Variants in DMD observed in about 807,000 individuals in gnomAD.
DMD encodes the protein dystrophin, also known as mutant dystrophin.
A neutral mutation model predicts 330.1 loss-of-function variants in DMD; 63 were observed. That is an observed-to-expected ratio of 0.19 (90% confidence interval 0.16 to 0.24). The LOEUF (loss-of-function observed/expected upper bound fraction) is 0.24, where lower values mean the gene tolerates loss of function less well. Ranked by LOEUF, DMD falls within the 10% of genes least tolerant of loss-of-function variation. DMD has a pLI of 1.00. For synonymous variants in DMD, 1,223 were observed against 959.8 expected (o/e 1.27, Z -5.07); for missense variants, 3,344 against 2,684.1 (o/e 1.25, Z -5.43).
chrX:31,923,159 A>C (rs985724436), intron 47 of DMD, among the ~76,000 whole-genome samples: 8 of 112,014 alleles, frequency 7.1e-5, no homozygotes, highest in Non-Finnish European at 1.5e-4. Flanking sequence ...GCAAATTGAG[A>C]TGTACTCATG....
At chrX:31,140,201 CTGA>C (rs2035865095) in intron 76 of DMD, among the ~76,000 whole-genome samples, 1 of 112,826 alleles carries the variant, frequency 8.9e-6, no homozygotes, top group East Asian at 2.8e-4. Context: ...GATTCAAACG[CTGA>C]TAATGGTTCT....
chrX:32,733,504 T>A (rs954573773), intron 7 of DMD, among the ~76,000 whole-genome samples: 1 of 110,946 alleles, frequency 9.0e-6, no homozygotes, highest in African/African-American at 3.3e-5. Flanking sequence ...ACTGACCACA[T>A]ACTTGGAAGT....
intron 54 of DMD, among the ~76,000 whole-genome samples, chrX:31,628,941 T>TATATATATATA (rs1319231616): frequency 9.8e-6 from 1 of 102,211 alleles, no homozygotes; most frequent in African/African-American, 3.5e-5. Context: ...TATATATATA[T>TATATATATATA]AAAATGCATG....
At chrX:31,270,779 G>C (rs2051566748) in intron 62 of DMD, among the ~76,000 whole-genome samples, 2 of 111,739 alleles carry the variant, frequency 1.8e-5, no homozygotes, top group African/African-American at 6.5e-5. Flanking sequence ...AATGGTATGG[G>C]GGCTTGATCA....
At chrX:32,586,358 A>G (rs1401473085) in intron 13 of DMD, among the ~76,000 whole-genome samples, 1 of 109,017 alleles carries the variant, frequency 9.2e-6, no homozygotes, top group African/African-American at 3.3e-5. Context: ...ACATATATAA[A>G]CCATTCTCTT....
intron 1 of DMD, among the ~76,000 whole-genome samples, chrX:33,062,599 C>A (rs899084828): frequency 8.0e-5 from 9 of 112,114 alleles, no homozygotes; most frequent in African/African-American, 1.9e-4. Flanking sequence ...GCCTCAGCCT[C>A]CCGAGTAGCT....
chrX:33,195,605 C>T (rs755264788), intron 1 of DMD, among the ~76,000 whole-genome samples: 15 of 111,475 alleles, frequency 1.3e-4, no homozygotes, highest in African/African-American at 2.0e-4. Flanking sequence ...ACCAAAAACA[C>T]GACAGATTAT....
At chrX:31,709,837 C>T (rs1412141404) in intron 52 of DMD, among the ~76,000 whole-genome samples, 4 of 111,310 alleles carry the variant, frequency 3.6e-5, no homozygotes, top group Non-Finnish European at 5.7e-5. Context: ...GTATCTATCT[C>T]TATCTCTACT....
intron 2 of DMD, among the ~76,000 whole-genome samples, chrX:33,006,997 G>A (rs955658740): frequency 1.8e-5 from 2 of 109,999 alleles, no homozygotes; most frequent in Admixed American, 9.8e-5. Flanking sequence ...TCCAAAATTC[G>A]ATCATTTCTC....
At chrX:31,369,313 T>C (rs1171963970) in intron 60 of DMD, among the ~76,000 whole-genome samples, 2 of 111,861 alleles carry the variant, frequency 1.8e-5, no homozygotes, top group African/African-American at 3.2e-5. Context: ...AGGATTACTA[T>C]AGGCGCATTG....
intron 55 of DMD, among the ~76,000 whole-genome samples, chrX:31,625,211 G>A (rs1247298834): frequency 8.9e-6 from 1 of 112,064 alleles, no homozygotes; most frequent in Admixed American, 9.5e-5. Context: ...CAGGGAAGAG[G>A]GAAACTGTCT....
At chrX:31,721,685 A>ACTCTCTCTCTCTCTCTCTCTCT (rs767300805) in intron 52 of DMD, among the ~76,000 whole-genome samples, 3 of 39,543 alleles carry the variant, frequency 7.6e-5, no homozygotes, top group Non-Finnish European at 1.2e-4. Context: ...TCTCTCTCTC[A>ACTCTCTCTCTCTCTCTCTCTCT]CTCTCTCTCT....
chrX:32,971,367 G>A (rs991351145), intron 2 of DMD, among the ~76,000 whole-genome samples: 1 of 111,678 alleles, frequency 9.0e-6, no homozygotes, highest in African/African-American at 3.3e-5. Context: ...GATTTGACTG[G>A]AGAATAATTT....
chrX:33,127,977 C>T, intron 1 of DMD: 1 of 1,041,266 alleles, frequency 9.6e-7, no homozygotes, highest in South Asian at 2.6e-5. Context: ...ACAACAAAAG[C>T]CCCAATTTAA....
chrX:32,858,493 C>T (rs1403041299), intron 2 of DMD, among the ~76,000 whole-genome samples: 1 of 111,156 alleles, frequency 9.0e-6, no homozygotes, highest in African/African-American at 3.3e-5. Context: ...TCACGTCCAG[C>T]TCAGTTTTGT....
intron 44 of DMD, among the ~76,000 whole-genome samples, chrX:32,101,361 T>C (rs1342230110): frequency 9.0e-6 from 1 of 111,092 alleles, no homozygotes. Context: ...TTAGGATTAC[T>C]ACGAAGAAGC....
chrX:32,345,765 C>T (rs1481756516), intron 39 of DMD, among the ~76,000 whole-genome samples, 178 bp downstream of exon 39: 1 of 110,522 alleles, frequency 9.0e-6, no homozygotes, highest in African/African-American at 3.3e-5. Flanking sequence ...TTTTAAGCAA[C>T]ACATCGTTCA....
chrX:33,010,067 T>C (rs201521637), intron 2 of DMD, among the ~76,000 whole-genome samples: 512 of 51,039 alleles, frequency 0.01, 111 homozygotes, highest in African/African-American at 0.057. Context: ...CGTGTATATA[T>C]ACACAAATGT....
intron 44 of DMD, among the ~76,000 whole-genome samples, chrX:32,022,648 G>A (rs1202064153): frequency 9.0e-6 from 1 of 111,682 alleles, no homozygotes; most frequent in Non-Finnish European, 1.9e-5. Flanking sequence ...TATATCTTCT[G>A]TCTTTATAGT....
Sources: allele counts gnomAD v4.1 joint callset (sites outside exome capture counted in the v4.1 genomes callset), GRCh38; gene constraint gnomAD v4.1.1; transcripts MANE v1.5; gene names NCBI Gene and HGNC (gene_info 2026-07-23, HGNC 2026-07-21).